The following ELP6 variants were observed in gnomAD, a reference collection of about 807,000 sequenced individuals.
ELP6 encodes elongator acetyltransferase complex subunit 6.
In ELP6, 23 loss-of-function variants were observed where a neutral mutation model predicts 28.1. That is an observed-to-expected ratio of 0.82 (90% CI 0.59 to 1.16). The LOEUF (loss-of-function observed/expected upper bound fraction) is 1.16, where lower values mean the gene tolerates loss of function less well. ELP6 is among the 50% of genes most tolerant of loss of function. ELP6 has a pLI of 0.00. For missense variants in ELP6, 313 were observed against 334.6 expected, an observed-to-expected ratio of 0.94 and a Z score of 0.50; for synonymous variants, 132 against 135.8, an observed-to-expected ratio of 0.97 and a Z score of 0.19.
chr3:47,502,584 C>T, intron 4 of ELP6: 13 of 982,918 alleles, frequency 1.3e-5, no homozygotes, highest in Non-Finnish European at 1.6e-5. Context: ...CCTGTAATCC[C>T]AGCACTTTGG....
At chr3:47,502,777 T>G (rs1457782967) in intron 4 of ELP6, among the ~76,000 whole-genome samples, 1 of 151,992 alleles carries the variant, frequency 6.6e-6, no homozygotes, top group African/African-American at 2.4e-5. Context: ...GAAGTTGAGT[T>G]TGCAGTGAGC....
intron 3 of ELP6, among the ~76,000 whole-genome samples, chr3:47,505,650 C>T (rs1708811216): frequency 1.3e-5 from 2 of 152,162 alleles, no homozygotes; most frequent in Admixed American, 1.3e-4. Context: ...TGGCTCACTG[C>T]AACCTCCGCC....
intron 2 of ELP6, 118 bp from the exon 3 acceptor site, chr3:47,510,372 C>A (rs1037480295): frequency 1.4e-6 from 1 of 693,868 alleles, no homozygotes; most frequent in African/African-American, 1.8e-5. Flanking sequence ...GCTTTGCAAC[C>A]TGACATACGC....
At position 47,498,165 on chromosome 3, in the gene ELP6, T is replaced by G. The variant is rs532920043; in HGVS notation, c.672+121A>C. 1.2e-5 allele frequency: 18 copies of G among 1,442,312 alleles called. No individual in the cohort carries two copies. In the South Asian group the frequency reaches 2.2e-4, roughly 18 times the overall value. 89.3% of individuals were successfully genotyped at this position (1,442,312 alleles called of 1,614,324 possible). Reference sequence around the variant, plus strand: ...CCTGAAGTCTCACAATTTCCAGTGTTTCCCTTCCACCTGAAGTCATGTCCC... The same window carrying G: ...CCTGAAGTCTCACAATTTCCAGTGTGTCCCTTCCACCTGAAGTCATGTCCC... On this transcript the variant is annotated intron_variant, in intron 6 of 6. Coordinates refer to ENST00000296149, the MANE Select transcript of ELP6 (RefSeq NM_001031703.3).
intron 5 of ELP6, chr3:47,500,327 A>C: frequency 2.6e-6 from 2 of 778,920 alleles, no homozygotes; most frequent in Non-Finnish European, 3.1e-6. Context: ...AGGCAGTAGA[A>C]TCACCTGAGC....
At chr3:47,505,037 T>C (rs1264107591) in intron 3 of ELP6, among the ~76,000 whole-genome samples, 1 of 151,980 alleles carries the variant, frequency 6.6e-6, no homozygotes, top group South Asian at 2.1e-4. Context: ...GAGGCCAAAG[T>C]GGGCAGATCA....
chr3:47,501,936 A>G, intron 4 of ELP6, 85 bp from the exon 5 acceptor site: 2 of 1,252,332 alleles, frequency 1.6e-6, no homozygotes, highest in South Asian at 1.4e-5. Flanking sequence ...GGAGAGGGCT[A>G]AGGGGGACAA....
At chr3:47,498,665 T>G (rs937654957) in intron 5 of ELP6, 1 of 985,278 alleles carries the variant, frequency 1.0e-6, no homozygotes, top group Admixed American at 6.2e-5. Context: ...TCAGCTCACT[T>G]CATCTAAACC....
chr3:47,504,117 T>C (rs1708753400), intron 4 of ELP6: 1 of 527,570 alleles, frequency 1.9e-6, no homozygotes. Context: ...TTCCAGCAAA[T>C]GATCCTCTCT....
intron 3 of ELP6, among the ~76,000 whole-genome samples, chr3:47,508,826 G>A (rs1206992828): frequency 6.8e-6 from 1 of 147,856 alleles, no homozygotes; most frequent in Admixed American, 6.8e-5. Context: ...GTGCAGTGGC[G>A]TGATCTCAGC....
At chr3:47,507,797 T>C (rs1043434603) in intron 3 of ELP6, among the ~76,000 whole-genome samples, 2 of 152,194 alleles carry the variant, frequency 1.3e-5, no homozygotes, top group African/African-American at 4.8e-5. Context: ...AGACTCCTGA[T>C]CATCACCCTT....
intron 2 of ELP6, among the ~76,000 whole-genome samples, 166 bp downstream of exon 2, chr3:47,510,982 C>T (rs747691913): frequency 3.3e-5 from 5 of 152,180 alleles, no homozygotes; most frequent in African/African-American, 7.2e-5. Flanking sequence ...GGGGAAGGAA[C>T]GAGATGGCCT....
At chr3:47,505,657 C>T (rs544423633) in intron 3 of ELP6, among the ~76,000 whole-genome samples, 3 of 152,082 alleles carry the variant, frequency 2.0e-5, no homozygotes, top group South Asian at 4.2e-4. Context: ...CTGCAACCTC[C>T]GCCTCCTGGG....
In ELP6 at chr3:47,501,695, T is replaced by C. The variant is rs1303360951; in HGVS notation, c.480A>G (p.Leu160=). 1.2e-6 allele frequency: 2 copies of C among 1,613,998 alleles called. No individual in the cohort carries two copies. The highest frequency in any genetic ancestry group is 2.2e-5 in the South Asian group (2 of 91,064). Residue 160 remains leucine, a synonymous_variant, in exon 5 of 7, where the codon CTA becomes CTG. Transcript: ENST00000296149. ...LSLGMGAVAV[L]DFIHYCRATV... ...TGGCTCTGCAGTAGTGAATGAAGTC[T>C]AGCACAGCCACCGCCCCCATGCCCA...
At chr3:47,512,904 C>T in intron 1 of ELP6, 1 of 985,626 alleles carries the variant, frequency 1.0e-6, no homozygotes, top group Non-Finnish European at 1.2e-6. Context: ...CGCCTGGGAC[C>T]CCCCACCCCA....
At chr3:47,511,732 C>T in intron 1 of ELP6, 1 of 897,860 alleles carries the variant, frequency 1.1e-6, no homozygotes, top group South Asian at 4.7e-5. Context: ...TAACAAAGTT[C>T]ACCCAATGGC....
intron 5 of ELP6, 68 bp downstream of exon 5, chr3:47,501,582 T>C: frequency 1.3e-6 from 2 of 1,482,428 alleles, no homozygotes; most frequent in Non-Finnish European, 1.9e-6. Flanking sequence ...AGCAAGCAAG[T>C]GAGGTCTGGA....
intron 5 of ELP6, 138 bp from the exon 6 acceptor site, chr3:47,498,570 C>A: frequency 6.7e-7 from 1 of 1,502,502 alleles, no homozygotes; most frequent in East Asian, 2.3e-5. Context: ...ACAGCCAGCC[C>A]CTACCTGTGC....
chr3:47,505,784 C>G (rs946510585), intron 3 of ELP6, among the ~76,000 whole-genome samples: 1 of 152,152 alleles, frequency 6.6e-6, no homozygotes, highest in Non-Finnish European at 1.5e-5. Context: ...GTTGGTCAGC[C>G]TGGTCTTGAA....
Sources: gnomAD v4.1 joint callset for allele counts (sites outside exome capture counted in the v4.1 genomes callset) on GRCh38, gnomAD v4.1.1 for gene constraint, MANE v1.5 for transcripts, NCBI Gene and HGNC (gene_info 2026-07-23, HGNC 2026-07-21) for gene names.